Variants in CDH13 observed in about 807,000 individuals in gnomAD.
CDH13 encodes cadherin 13.
In CDH13, 24 loss-of-function variants were observed where a neutral mutation model predicts 63.8. The ratio of observed to expected loss-of-function variants is 0.38; its 90% CI spans 0.27 to 0.53. The LOEUF is 0.53. Among genes scored for constraint, CDH13 ranks in the 20% least tolerant of loss-of-function variants. The probability of loss-of-function intolerance (pLI) is 0.85; values close to 1 mark genes in which losing one functional copy is unlikely to be tolerated. For missense variants in CDH13, 1,049 were observed against 903.1 expected, an observed-to-expected ratio of 1.16 and a Z score of -2.07; for synonymous variants, 503 against 355.3, an observed-to-expected ratio of 1.42 and a Z score of -4.67.
At chr16:82,653,352 G>T (rs1910946985) in intron 1 of CDH13, among the ~76,000 whole-genome samples, 1 of 152,146 alleles carries the variant, frequency 6.6e-6, no homozygotes, top group Admixed American at 6.6e-5. Context: ...ATAAATAAAA[G>T]TATGCTCAGC....
intron 2 of CDH13, among the ~76,000 whole-genome samples, chr16:82,990,933 T>A (rs1911582728): frequency 6.6e-6 from 1 of 152,224 alleles, no homozygotes. Context: ...TTTAGTTTCA[T>A]GTGCTGGCAC....
chr16:83,425,064 A>G (rs775789103), intron 6 of CDH13, among the ~76,000 whole-genome samples: 1 of 152,206 alleles, frequency 6.6e-6, no homozygotes, highest in Non-Finnish European at 1.5e-5. Flanking sequence ...CTATCACACC[A>G]TAGCATGCTT....
chr16:83,181,469 C>G (rs2038346473), intron 4 of CDH13, among the ~76,000 whole-genome samples: 1 of 152,236 alleles, frequency 6.6e-6, no homozygotes, highest in Non-Finnish European at 1.5e-5. Flanking sequence ...GGAAGCTTCT[C>G]TAACCACATC....
At chr16:83,681,124 C>G (rs1243834868) in intron 10 of CDH13, among the ~76,000 whole-genome samples, 1 of 151,968 alleles carries the variant, frequency 6.6e-6, no homozygotes, top group African/African-American at 2.4e-5. Context: ...GCCACGAGTC[C>G]TGGTGCCTGA....
intron 6 of CDH13, chr16:83,397,212 A>C (rs1159361013): frequency 6.6e-6 from 1 of 152,160 alleles, no homozygotes; most frequent in Non-Finnish European, 1.5e-5. Flanking sequence ...GGGTCACAGT[A>C]GTACATTTCT....
chr16:82,835,274 A>G (rs75051222), intron 1 of CDH13, among the ~76,000 whole-genome samples: 2 of 152,212 alleles, frequency 1.3e-5, no homozygotes, highest in Admixed American at 1.3e-4. Flanking sequence ...TGGCTGCCGC[A>G]TTGGACAGTG....
intron 2 of CDH13, among the ~76,000 whole-genome samples, chr16:82,946,974 C>T (rs955377791): frequency 2.6e-5 from 4 of 151,190 alleles, no homozygotes; most frequent in African/African-American, 9.7e-5. Context: ...GCTAATAACA[C>T]TAGGCCAAAG....
At chr16:82,728,965 C>T (rs952200986) in intron 1 of CDH13, among the ~76,000 whole-genome samples, 1 of 152,174 alleles carries the variant, frequency 6.6e-6, no homozygotes, top group Non-Finnish European at 1.5e-5. Flanking sequence ...TCTCAAGAAA[C>T]CACTTTCTTG....
chr16:83,329,927 C>G (rs1271145519), intron 5 of CDH13, among the ~76,000 whole-genome samples: 1 of 152,168 alleles, frequency 6.6e-6, no homozygotes, highest in Non-Finnish European at 1.5e-5. Flanking sequence ...CATTCATCTG[C>G]TAATGGACAT....
rs191374186 is a variant in CDH13, at chr16:83,551,929, T to C, written c.961-50525T>C. Among the ~76,000 whole-genome samples the C allele has an allele frequency of 4.6e-5, 7 of 152,248 alleles. No homozygotes were observed. In the East Asian group the frequency reaches 1.4e-3, roughly 29 times the overall value. On this transcript the variant is annotated intron_variant, in intron 7 of 13. Coordinates refer to ENST00000567109, the MANE Select transcript of CDH13 (RefSeq NM_001257.5). ...ATGGATGGATGAATGGATGGATGGATGGATGGGTAGATAAGTGGATAGGTG... is the reference window on the plus strand; with the variant it reads ...ATGGATGGATGAATGGATGGATGGACGGATGGGTAGATAAGTGGATAGGTG...
At chr16:83,216,416 A>ATT (rs2039519547) in intron 4 of CDH13, among the ~76,000 whole-genome samples, 2 of 90,294 alleles carry the variant, frequency 2.2e-5, no homozygotes, top group East Asian at 3.8e-4. Context: ...ATATATATAT[A>ATT]TATATATATA....
intron 10 of CDH13, among the ~76,000 whole-genome samples, chr16:83,707,836 CA>C (rs61067563): frequency 5.3e-3 from 415 of 78,846 alleles, no homozygotes; most frequent in Middle Eastern, 8.3e-3. Context: ...ACCCTAAAGG[CA>C]AAAAAAAAAA....
At position 83,605,469 on chromosome 16, in the gene CDH13, C is replaced by T. The variant is rs138317701; in HGVS notation, c.1101+2875C>T. ...CTGGAGCCGGAATTGGGTTCACATC[C>T]CACTGACCAGCCATGTGGTGGGAGC... On this transcript the variant is annotated intron_variant, in intron 8 of 13. Coordinates refer to ENST00000567109, the MANE Select transcript of CDH13 (RefSeq NM_001257.5). Among the ~76,000 whole-genome samples the T allele has an allele frequency of 7.5e-3, 1,143 of 152,266 alleles. 8 individuals carry two copies. Among genetic ancestry groups the T allele is most frequent in the Non-Finnish European group, 0.011 (726 of 68,020 alleles).
At position 82,958,537 on chromosome 16, in the gene CDH13, G is replaced by C. The variant is rs1372129436; in HGVS notation, c.158-73473G>C. Among the ~76,000 whole-genome samples the C allele has an allele frequency of 3.9e-5, 6 of 152,320 alleles. No homozygotes were observed. In the East Asian group the frequency reaches 1.2e-3, roughly 29 times the overall value. On this transcript the variant is annotated intron_variant, in intron 2 of 13. Transcript: ENST00000567109. ...TTCACCAAGATGGAAAACACAGTCG[G>C]GGAGGAGAGGGCTTGAGAGGAAGAC...
intron 1 of CDH13, among the ~76,000 whole-genome samples, chr16:82,740,062 C>T (rs1022459119): frequency 1.5e-4 from 23 of 152,250 alleles, no homozygotes; most frequent in Middle Eastern, 3.4e-3. Flanking sequence ...AATGTGGACG[C>T]CTATTACAAC....
At chr16:83,183,507 C>T (rs1015309555) in intron 4 of CDH13, among the ~76,000 whole-genome samples, 2 of 152,182 alleles carry the variant, frequency 1.3e-5, no homozygotes, top group African/African-American at 4.8e-5. Flanking sequence ...TTAGAAAAAT[C>T]CCATAATATC....
At chr16:82,747,666 T>A (rs1429506966) in intron 1 of CDH13, among the ~76,000 whole-genome samples, 1 of 151,958 alleles carries the variant, frequency 6.6e-6, no homozygotes, top group Non-Finnish European at 1.5e-5. Flanking sequence ...CTTACGAGAG[T>A]TGAATTAGTT....
At chr16:83,214,117 G>T (rs2039423147) in intron 4 of CDH13, among the ~76,000 whole-genome samples, 1 of 151,732 alleles carries the variant, frequency 6.6e-6, no homozygotes, top group African/African-American at 2.4e-5. Context: ...CACCGTGGAA[G>T]CTTTGTTCTT....
intron 7 of CDH13, 52 bp from the exon 8 acceptor site, chr16:83,602,402 C>A (rs773803482): frequency 1.2e-6 from 2 of 1,602,812 alleles, no homozygotes; most frequent in Non-Finnish European, 8.5e-7. Context: ...CTTTCCAAAG[C>A]AGTAACCCAA....
Sources: gnomAD v4.1 joint callset for allele counts (sites outside exome capture counted in the v4.1 genomes callset) on GRCh38, gnomAD v4.1.1 for gene constraint, MANE v1.5 for transcripts, NCBI Gene and HGNC (gene_info 2026-07-23, HGNC 2026-07-21) for gene names.